The following DNAJC16 variants were observed in gnomAD, a reference collection of about 807,000 sequenced individuals.
DNAJC16 encodes DnaJ heat shock protein family (Hsp40) member C16, also known as dnaJ homolog subfamily C member 16.
DNAJC16 carries 76 observed loss-of-function variants against 92.7 expected under a neutral mutation model. The observed-to-expected ratio is 0.82, with a 90% CI of 0.68 to 0.99. DNAJC16 has a LOEUF of 0.99. Among genes scored for constraint, DNAJC16 ranks in the 50% least tolerant of loss-of-function variants. The pLI, the probability that DNAJC16 is intolerant of heterozygous loss-of-function variation, is 0.00. For synonymous variants in DNAJC16, 328 were observed against 358.7 expected, an observed-to-expected ratio of 0.91 and a Z score of 0.97; for missense variants, 869 against 942.4, an observed-to-expected ratio of 0.92 and a Z score of 1.02.
At chr1:15,561,818 A>T (rs994759047) in intron 8 of DNAJC16, among the ~76,000 whole-genome samples, 1 of 152,092 alleles carries the variant, frequency 6.6e-6, no homozygotes, top group Admixed American at 6.6e-5. Context: ...GTCTGAGGCC[A>T]GGAGTTCAAG....
chr1:15,532,887 G>A (rs1208677664), intron 2 of DNAJC16, among the ~76,000 whole-genome samples: 1 of 152,158 alleles, frequency 6.6e-6, no homozygotes, highest in African/African-American at 2.4e-5. Context: ...CTTATTTGTA[G>A]AGAAATCAGA....
At chr1:15,555,005 GCCT>G (rs1211141648) in intron 7 of DNAJC16, among the ~76,000 whole-genome samples, 2 of 148,444 alleles carry the variant, frequency 1.3e-5, no homozygotes, top group African/African-American at 2.5e-5. Context: ...ATTTCTAGGT[GCCT>G]CCTATTTTTT....
chr1:15,567,372 A>G, intron 14 of DNAJC16, 103 bp downstream of exon 14: 1 of 1,184,226 alleles, frequency 8.4e-7, no homozygotes, highest in Non-Finnish European at 1.2e-6. Context: ...GGCTTCATCC[A>G]TACAGCAAGA....
rs1453464452 is a variant in DNAJC16 at position 15,536,698 on chromosome 1, T to G, written c.458T>G (p.Val153Gly). The G allele has an allele frequency of 6.2e-7, 1 of 1,614,194 alleles. No individual in the cohort carries two copies. The highest frequency in any genetic ancestry group is 8.5e-7 in the Non-Finnish European group (1 of 1,180,026). Residue 153 changes from valine to glycine, a missense_variant, in exon 4 of 15, where the codon GTG becomes GGG. Coordinates refer to ENST00000375847, the MANE Select transcript of DNAJC16 (RefSeq NM_015291.4). Reference sequence around the variant, plus strand: ...CACTTTTCACATTATGTGAATGAAGTGGTTCCAGATAGCTTCAAGAAACCC... The same window carrying G: ...CACTTTTCACATTATGTGAATGAAGGGGTTCCAGATAGCTTCAAGAAACCC... ...LLHFSHYVNEVVPDSFKKPYL... is the reference protein window; with the variant it reads ...LLHFSHYVNEGVPDSFKKPYL...
At chr1:15,552,389 G>T (rs75205488) in intron 7 of DNAJC16, among the ~76,000 whole-genome samples, 43,711 of 151,340 alleles carry the variant, frequency 0.29, 7,420 homozygotes, top group African/African-American at 0.47. Flanking sequence ...TTCGGGAGGC[G>T]GAGGCAGAAG....
intron 8 of DNAJC16, among the ~76,000 whole-genome samples, chr1:15,561,030 A>G (rs890801082): frequency 1.3e-5 from 2 of 151,186 alleles, no homozygotes; most frequent in African/African-American, 4.9e-5. Context: ...TCACCTTTTC[A>G]GTTGGCACTT....
At chr1:15,552,622 C>T (rs529753360) in intron 7 of DNAJC16, among the ~76,000 whole-genome samples, 2 of 151,696 alleles carry the variant, frequency 1.3e-5, no homozygotes, top group African/African-American at 4.8e-5. Context: ...ACACAGATTT[C>T]TTCTTTTTTT....
chr1:15,551,861 C>T (rs1261096918), intron 7 of DNAJC16, among the ~76,000 whole-genome samples: 4 of 150,698 alleles, frequency 2.7e-5, no homozygotes, highest in Non-Finnish European at 5.9e-5. Flanking sequence ...GGTGAAACCC[C>T]GTCTCTACTA....
At position 15,564,082 on chromosome 1, in the gene DNAJC16, C is replaced by G; in HGVS notation, c.1492C>G (p.Leu498Val). The change falls in exon 10 of 15, where the codon CTT becomes GTT. Residue 498 changes from leucine to valine, a missense_variant. By Grantham distance (32) the Leu-to-Val change is conservative. Transcript: ENST00000375847. ...AGCTCTTCTGTCCTCTGAAGCAGTG[C>G]TTCCTGACCTGACCGATGAACTTGC... ...DPALLSSEAV[L>V]PDLTDELAPV... 1 of 1,614,174 alleles carries G rather than the reference C, an allele frequency of 6.2e-7. No individual in the cohort carries two copies. The highest frequency in any genetic ancestry group is 8.5e-7 in the Non-Finnish European group (1 of 1,180,008).
chr1:15,562,415 A>C, intron 9 of DNAJC16, 90 bp downstream of exon 9: 1 of 1,296,868 alleles, frequency 7.7e-7, no homozygotes, highest in African/African-American at 1.5e-5. Flanking sequence ...TGTTGAATAC[A>C]GATTCTAGGA....
intron 13 of DNAJC16, 83 bp from the exon 14 acceptor site, chr1:15,567,016 A>G (rs556920621): frequency 1.5e-6 from 2 of 1,337,176 alleles, no homozygotes; most frequent in African/African-American, 2.9e-5. Flanking sequence ...AGAACATAGC[A>G]TTTTCTTTCA....
intron 7 of DNAJC16, among the ~76,000 whole-genome samples, chr1:15,549,856 G>A (rs1408245493): frequency 6.6e-6 from 1 of 151,848 alleles, no homozygotes; most frequent in African/African-American, 2.4e-5. Context: ...TGAGCGAGGG[G>A]GACCATGTTC....
At position 15,569,631 on chromosome 1, in the gene DNAJC16, C is replaced by CTTTTTTTTTTTTTTTTTTTTTT. The variant is rs377498367; in HGVS notation, c.*1473_*1474insTTTTTTTTTTTTTTTTTTTTTT. ...GTGATGGGACATTTACTAAGTATTT[C>CTTTTTTTTTTTTTTTTTTTTTT]TTTTTTTTTTTTTTTTTTTAGTTGT... is the stretch of plus-strand genomic sequence containing the variant. On this transcript the variant is annotated 3_prime_UTR_variant, in exon 15 of 15. Transcript: ENST00000375847. 7.9e-6 allele frequency: 1 copy of CTTTTTTTTTTTTTTTTTTTTTT among 126,776 alleles called. No homozygotes were observed. The allele number at this position is 126,776 out of a possible 1,614,324, so 7.9% of individuals were successfully genotyped here.
chr1:15,555,923 G>A (rs552613425), intron 7 of DNAJC16, among the ~76,000 whole-genome samples: 35 of 151,252 alleles, frequency 2.3e-4, no homozygotes, highest in Non-Finnish European at 4.3e-4. Flanking sequence ...CCCAGGAGGC[G>A]GAGGTTGTGA....
intron 14 of DNAJC16, 27 bp from the exon 15 acceptor site, chr1:15,567,751 G>A (rs1269255017): frequency 6.3e-7 from 1 of 1,593,062 alleles, no homozygotes; most frequent in Admixed American, 1.8e-5. Context: ...GAAATGCCCT[G>A]AGTCCTCAAT....
rs1485728701 is a variant in DNAJC16, at chr1:15,536,535, C to T, written c.295C>T (p.Gln99Ter). The T allele has an allele frequency of 2.5e-6, 4 of 1,614,032 alleles. No individual in the cohort carries two copies. Among genetic ancestry groups the T allele is most frequent in the Non-Finnish European group, 3.4e-6 (4 of 1,179,984 alleles). The change falls in exon 4 of 15, where the codon CAG becomes TAG. Residue 99 changes from glutamine (Q) to a stop codon, truncating the protein, a stop_gained. Coordinates refer to ENST00000375847, the MANE Select transcript of DNAJC16 (RefSeq NM_015291.4). LOFTEE classifies it high-confidence loss of function. ...YDQYGDAGEN[Q>*]GYQKQQQQRE... Reference sequence around the variant, plus strand: ...TCAATATGGAGACGCTGGAGAGAACCAGGGCTACCAGAAGCAGCAACAGCA... The same window carrying T: ...TCAATATGGAGACGCTGGAGAGAACTAGGGCTACCAGAAGCAGCAACAGCA...
rs201924398 is a variant in DNAJC16 at position 15,563,974 on chromosome 1, A to G, written c.1384A>G (p.Lys462Glu). 4 of 1,614,230 alleles carry G rather than the reference A, an allele frequency of 2.5e-6. No homozygotes were observed. In the East Asian group the frequency reaches 8.9e-5, roughly 36 times the overall value. The change falls in exon 10 of 15, where the codon AAA becomes GAA. Residue 462 changes from lysine (K) to glutamate (E), a missense_variant. Lys to Glu is a moderately conservative substitution (Grantham distance 56). Transcript: ENST00000375847. ...CAACACAGCAGGAAGGGTGGTGTAT[A>G]AAACCCTGGAAGACCCTTGGATTGG... Reference protein sequence around the residue: ...RRNTAGRVVYKTLEDPWIGSE... With the variant: ...RRNTAGRVVYETLEDPWIGSE...
At chr1:15,540,575 G>C (rs78560705) in intron 4 of DNAJC16, among the ~76,000 whole-genome samples, 1 of 152,016 alleles carries the variant, frequency 6.6e-6, no homozygotes, top group Admixed American at 6.6e-5. Context: ...CCATGTCTCA[G>C]TTTTCTTATA....
At chr1:15,552,357 C>T (rs1297326554) in intron 7 of DNAJC16, among the ~76,000 whole-genome samples, 1 of 151,944 alleles carries the variant, frequency 6.6e-6, no homozygotes, top group Non-Finnish European at 1.5e-5. Context: ...GGCGTGGTGG[C>T]ATGCACCTGT....
Sources: allele counts gnomAD v4.1 joint callset (sites outside exome capture counted in the v4.1 genomes callset), GRCh38; gene constraint gnomAD v4.1.1; transcripts MANE v1.5; gene names NCBI Gene and HGNC (gene_info 2026-07-23, HGNC 2026-07-21).